SLC2A13: variants seen among roughly 807,000 people sequenced by gnomAD.
SLC2A13 encodes solute carrier family 2 member 13, also known as proton myo-inositol cotransporter.
Under a neutral mutation model 64.4 loss-of-function variants are expected in SLC2A13, and 32 were observed. The observed-to-expected ratio is 0.50, with a 90% CI of 0.37 to 0.67. The LOEUF (loss-of-function observed/expected upper bound fraction) is 0.67. Among genes scored for constraint, SLC2A13 ranks in the 30% least tolerant of loss-of-function variants. The probability of loss-of-function intolerance (pLI) is 0.00; values close to 1 mark genes in which losing one functional copy is unlikely to be tolerated. For synonymous variants in SLC2A13, 338 were observed against 327.1 expected (o/e 1.03, Z -0.36); for missense variants, 743 against 829.2 (o/e 0.90, Z 1.28).
chr12:39,819,075 A>G (rs921125884), intron 7 of SLC2A13, among the ~76,000 whole-genome samples: 7 of 152,214 alleles, frequency 4.6e-5, no homozygotes, highest in African/African-American at 1.4e-4. Context: ...CAGTATAGTT[A>G]TATAAGCAAA....
chr12:39,759,808 A>G lies in SLC2A13; in HGVS notation c.*218T>C. 1.9e-6 allele frequency: 1 copy of G among 519,836 alleles called. No individual in the cohort carries two copies. The highest frequency in any genetic ancestry group is 3.4e-6 in the Non-Finnish European group (1 of 294,530). The allele number at this position is 519,836 out of a possible 1,614,324, so 32.2% of individuals were successfully genotyped here. On this transcript the variant is annotated 3_prime_UTR_variant, in exon 10 of 10. Coordinates refer to ENST00000280871, the MANE Select transcript of SLC2A13 (RefSeq NM_052885.4). ...CACACATTTGCTTAAGAATTATTAG[A>G]TTAAAATCTCTGTAAATATTTTTTA...
intron 1 of SLC2A13, among the ~76,000 whole-genome samples, chr12:40,079,848 T>C (rs1329900647): frequency 6.6e-6 from 1 of 152,230 alleles, no homozygotes; most frequent in Non-Finnish European, 1.5e-5. Context: ...TTTATCATTA[T>C]GTAATGTCCT....
intron 7 of SLC2A13, among the ~76,000 whole-genome samples, chr12:39,821,242 T>A (rs1252946174): frequency 1.3e-5 from 2 of 151,960 alleles, no homozygotes; most frequent in Admixed American, 6.6e-5. Context: ...TGAAACCCCA[T>A]CTCTACTAAA....
chr12:39,807,173 T>C (rs180778806), intron 7 of SLC2A13, among the ~76,000 whole-genome samples: 19 of 152,198 alleles, frequency 1.2e-4, no homozygotes, highest in Non-Finnish European at 2.5e-4. Flanking sequence ...TGCGCCAACC[T>C]AGTGGTCATG....
intron 4 of SLC2A13, among the ~76,000 whole-genome samples, chr12:39,903,471 T>C (rs1003159565): frequency 1.3e-5 from 2 of 152,038 alleles, no homozygotes; most frequent in Non-Finnish European, 2.9e-5. Context: ...TTACTCAACT[T>C]CTGAAAAATG....
intron 4 of SLC2A13, among the ~76,000 whole-genome samples, chr12:39,875,807 A>G (rs1443078076): frequency 6.6e-6 from 1 of 152,178 alleles, no homozygotes; most frequent in Admixed American, 6.5e-5. Flanking sequence ...AGTACATTCC[A>G]ATGTTTTCAT....
intron 3 of SLC2A13, among the ~76,000 whole-genome samples, chr12:39,973,058 A>G (rs1365655966): frequency 2.0e-5 from 3 of 151,968 alleles, no homozygotes; most frequent in African/African-American, 7.2e-5. Context: ...CAAGAGCAAA[A>G]CTCCATCTCA....
In SLC2A13 at chr12:40,048,611, T is replaced by G. The variant is rs1046418219; in HGVS notation, c.557-401A>C. On this transcript the variant is annotated intron_variant, in intron 1 of 9. Transcript: ENST00000280871. ...ACAATAGTGAGAATAAAAAATTATC[T>G]TAGGATACATATTAACTATTCAAAG... 5.9e-5 allele frequency among the ~76,000 whole-genome samples: 9 copies of G among 152,154 alleles called. 1 individual carries two copies. Among genetic ancestry groups the G allele is most frequent in the Admixed American group, 2.0e-4 (3 of 15,274 alleles).
intron 7 of SLC2A13, among the ~76,000 whole-genome samples, chr12:39,815,007 A>G (rs1942301948): frequency 6.6e-6 from 1 of 151,674 alleles, no homozygotes; most frequent in Non-Finnish European, 1.5e-5. Flanking sequence ...TTTCTCAGTG[A>G]TCTTAGATGG....
rs1162262071 is a variant in SLC2A13, at chr12:39,757,357, T to C, written c.*2669A>G. The stretch of plus-strand genomic sequence containing the variant: ...TATAAATTGTCCTACAAAATATATA[T>C]TTGATGATACTACAAATGGAATGTT... On this transcript the variant is annotated 3_prime_UTR_variant, in exon 10 of 10. Transcript: ENST00000280871. 6.6e-6 allele frequency: 1 copy of C among 151,870 alleles called. No homozygotes were observed. The highest frequency in any genetic ancestry group is 2.4e-5 in the African/African-American group (1 of 41,406). 9.4% of individuals were successfully genotyped at this position (151,870 alleles called of 1,614,324 possible). A position where few individuals can be genotyped will look rare whatever the true frequency, so the allele number is the denominator to read the frequency against.
chr12:40,056,650 G>A (rs149374808), intron 1 of SLC2A13, among the ~76,000 whole-genome samples: 52 of 152,304 alleles, frequency 3.4e-4, no homozygotes, highest in African/African-American at 1.2e-3. Context: ...CTAAAAGGAC[G>A]TGAATCACCT....
At chr12:40,052,117 T>C (rs1948268369) in intron 1 of SLC2A13, among the ~76,000 whole-genome samples, 1 of 152,130 alleles carries the variant, frequency 6.6e-6, no homozygotes, top group Non-Finnish European at 1.5e-5. Context: ...ATGGGCACTT[T>C]GTACAAAGAT....
chr12:39,960,855 C>A lies in SLC2A13; in HGVS notation c.926-9490G>T, dbSNP rs142385012. On this transcript the variant is annotated intron_variant, in intron 3 of 9. Coordinates refer to ENST00000280871, the MANE Select transcript of SLC2A13 (RefSeq NM_052885.4). ...CTCAGTCTCCCAGGTGCAACCGATT[C>A]TCCTTTCTCGACCTCTCGAGTGGCT... is the stretch of plus-strand genomic sequence containing the variant. Among the ~76,000 whole-genome samples, 258 of 143,134 alleles carry A rather than the reference C, an allele frequency of 1.8e-3. 1 individual carries two copies. The highest frequency in any genetic ancestry group is 6.4e-3 in the African/African-American group (250 of 38,916). The allele number at this position is 143,134 out of a possible 152,430, so 93.9% of individuals were successfully genotyped here.
Position 39,759,943 on chromosome 12 carries a change from T to G in SLC2A13, c.*83A>C. On this transcript the variant is annotated 3_prime_UTR_variant, in exon 10 of 10. Coordinates refer to ENST00000280871, the MANE Select transcript of SLC2A13 (RefSeq NM_052885.4). ...AACTAGGCTGTGGAAAGAACCAGAT[T>G]AGAAGCAGGGCAGTGAAGTCACCAA... The G allele has an allele frequency of 3.0e-6, 3 of 989,228 alleles. No homozygotes were observed. Among genetic ancestry groups the G allele is most frequent in the Non-Finnish European group, 4.6e-6 (3 of 645,248 alleles). The allele number at this position is 989,228 out of a possible 1,614,324, so 61.3% of individuals were successfully genotyped here. A position where few individuals can be genotyped will look rare whatever the true frequency, so the allele number is the denominator to read the frequency against.
At chr12:39,852,555 A>C (rs1943498264) in intron 6 of SLC2A13, among the ~76,000 whole-genome samples, 1 of 152,156 alleles carries the variant, frequency 6.6e-6, no homozygotes, top group African/African-American at 2.4e-5. Flanking sequence ...TTTTTCTTGG[A>C]AGGTAACAAA....
chr12:40,039,339 A>G (rs1948043663), intron 2 of SLC2A13, among the ~76,000 whole-genome samples: 1 of 152,182 alleles, frequency 6.6e-6, no homozygotes, highest in African/African-American at 2.4e-5. Context: ...GTGTCTCTTT[A>G]GACAATGTAG....
chr12:39,968,418 G>A (rs1946566077), intron 3 of SLC2A13, among the ~76,000 whole-genome samples: 1 of 152,024 alleles, frequency 6.6e-6, no homozygotes, highest in Non-Finnish European at 1.5e-5. Context: ...TTCAAGATGA[G>A]GTTTGGGTAG....
intron 7 of SLC2A13, among the ~76,000 whole-genome samples, chr12:39,827,527 C>T (rs981635298): frequency 1.3e-5 from 2 of 152,292 alleles, no homozygotes; most frequent in East Asian, 1.9e-4. Flanking sequence ...TCACCACTTA[C>T]ACTCTTTTGT....
intron 3 of SLC2A13, among the ~76,000 whole-genome samples, chr12:39,978,056 C>A (rs1946796268): frequency 1.3e-5 from 2 of 152,242 alleles, no homozygotes; most frequent in South Asian, 4.1e-4. Context: ...AGCTTTCTCA[C>A]TGCAGTATAT....
Sources: allele counts gnomAD v4.1 joint callset (sites outside exome capture counted in the v4.1 genomes callset), GRCh38; gene constraint gnomAD v4.1.1; transcripts MANE v1.5; gene names NCBI Gene and HGNC (gene_info 2026-07-23, HGNC 2026-07-21).